Variants in MAD1L1 observed in about 807,000 individuals in gnomAD.
MAD1L1 encodes mitotic arrest deficient 1 like 1, also known as mitotic spindle assembly checkpoint protein MAD1.
In MAD1L1, 95 loss-of-function variants were observed where a neutral mutation model predicts 96.9. The ratio of observed to expected loss-of-function variants is 0.98; its 90% CI spans 0.83 to 1.16. MAD1L1 has a LOEUF of 1.16. MAD1L1 is among the 50% of genes most tolerant of loss of function. The pLI is 0.00. For missense variants in MAD1L1, 1,007 were observed against 954.4 expected (o/e 1.06, Z -0.73); for synonymous variants, 473 against 396.6 (o/e 1.19, Z -2.29).
At chr7:1,841,937 G>A (rs1371338485) in intron 18 of MAD1L1, among the ~76,000 whole-genome samples, 20 of 152,138 alleles carry the variant, frequency 1.3e-4, no homozygotes, top group African/African-American at 3.9e-4. Flanking sequence ...CAATCACGCC[G>A]TCACCACCCC....
intron 12 of MAD1L1, among the ~76,000 whole-genome samples, chr7:2,058,704 CAGGGG>C (rs1403695887): frequency 2.6e-5 from 3 of 116,998 alleles, no homozygotes; most frequent in Non-Finnish European, 3.5e-5. Context: ...GGAGTGTGGC[CAGGGG>C]AGAGGAGAGG....
intron 11 of MAD1L1, among the ~76,000 whole-genome samples, chr7:2,074,042 T>A (rs2128533077): frequency 6.6e-6 from 1 of 152,144 alleles, no homozygotes; most frequent in South Asian, 2.1e-4. Context: ...TGTGGAATGC[T>A]CGCCAAGAAC....
chr7:1,908,184 C>G (rs1787792977), intron 17 of MAD1L1, among the ~76,000 whole-genome samples: 1 of 152,236 alleles, frequency 6.6e-6, no homozygotes, highest in South Asian at 2.1e-4. Context: ...GCAGCTGGAA[C>G]TGGGGACCAC....
rs556279078 is a variant in MAD1L1, at chr7:1,908,058, A to G, written c.1808-9668T>C. Among the ~76,000 whole-genome samples the G allele has an allele frequency of 1.5e-4, 23 of 152,356 alleles. No homozygotes were observed. In the South Asian group the frequency reaches 4.1e-3, roughly 27 times the overall value. On this transcript the variant is annotated intron_variant, in intron 17 of 18. Coordinates refer to ENST00000265854, the MANE Select transcript of MAD1L1 (RefSeq NM_001013836.2). Reference sequence around the variant, plus strand: ...TCTTAGCAGACATGGGTGACCAGACAGTACGTTTGCCCACACACGGTCCCA... The same window carrying G: ...TCTTAGCAGACATGGGTGACCAGACGGTACGTTTGCCCACACACGGTCCCA...
chr7:1,974,001 G>A (rs1780520440), intron 15 of MAD1L1, among the ~76,000 whole-genome samples: 1 of 152,340 alleles, frequency 6.6e-6, no homozygotes, highest in South Asian at 2.1e-4. Context: ...AGGGCACTCT[G>A]CTGGCTTCTG....
intron 15 of MAD1L1, among the ~76,000 whole-genome samples, chr7:1,976,044 C>T (rs1210169588): frequency 6.6e-6 from 1 of 152,204 alleles, no homozygotes; most frequent in South Asian, 2.1e-4. Context: ...AAATCCCCAC[C>T]GACGCTCTCT....
At chr7:2,093,487 G>A (rs1269846338) in intron 11 of MAD1L1, among the ~76,000 whole-genome samples, 2 of 152,196 alleles carry the variant, frequency 1.3e-5, no homozygotes, top group East Asian at 1.9e-4. Context: ...GAAGAGGGAC[G>A]ACGGGAAACC....
chr7:2,084,090 C>A (rs748322111), intron 11 of MAD1L1, among the ~76,000 whole-genome samples: 2 of 152,262 alleles, frequency 1.3e-5, no homozygotes, highest in Non-Finnish European at 2.9e-5. Context: ...GCGGCTTCCT[C>A]TGGACACCCG....
chr7:1,849,147 T>G (rs913580703), intron 18 of MAD1L1: 6 of 88,822 alleles, frequency 6.8e-5, no homozygotes, highest in African/African-American at 2.6e-4. Flanking sequence ...CGTACACACA[T>G]GCACACACAC....
At chr7:1,852,528 T>A (rs1384852762) in intron 18 of MAD1L1, among the ~76,000 whole-genome samples, 2 of 152,188 alleles carry the variant, frequency 1.3e-5, no homozygotes, top group African/African-American at 4.8e-5. Flanking sequence ...GCTTCCACCC[T>A]GGCCCGACCG....
At chr7:1,892,091 C>T (rs967882906) in intron 18 of MAD1L1, among the ~76,000 whole-genome samples, 2 of 152,220 alleles carry the variant, frequency 1.3e-5, no homozygotes, top group African/African-American at 4.8e-5. Context: ...TTCCACCCTT[C>T]ATACATCATG....
chr7:2,167,449 T>C, intron 10 of MAD1L1, among the ~76,000 whole-genome samples: 1 of 152,000 alleles, frequency 6.6e-6, no homozygotes, highest in Non-Finnish European at 1.5e-5. Flanking sequence ...CTCGGGAGGC[T>C]GAGGCAGGAG....
At chr7:2,003,676 C>T (rs1006599870) in intron 13 of MAD1L1, among the ~76,000 whole-genome samples, 63 of 152,278 alleles carry the variant, frequency 4.1e-4, no homozygotes, top group African/African-American at 1.5e-3. Context: ...CCCTGTGCAA[C>T]GCCTGTGGAT....
intron 10 of MAD1L1, among the ~76,000 whole-genome samples, chr7:2,166,056 C>T (rs572838562): frequency 1.3e-5 from 2 of 152,320 alleles, no homozygotes; most frequent in East Asian, 3.9e-4. Flanking sequence ...TAAAACCACA[C>T]GTTCTCCCAT....
At chr7:1,818,763 C>T (rs1482631504) in intron 18 of MAD1L1, among the ~76,000 whole-genome samples, 7 of 151,802 alleles carry the variant, frequency 4.6e-5, no homozygotes, top group Admixed American at 6.6e-5. Flanking sequence ...AATGGTAGGC[C>T]GGGCAACCCA....
At chr7:1,908,515 G>A (rs540741477) in intron 17 of MAD1L1, among the ~76,000 whole-genome samples, 5 of 152,270 alleles carry the variant, frequency 3.3e-5, no homozygotes, top group South Asian at 2.1e-4. Flanking sequence ...CCAAGTAGCT[G>A]GGACCACAGG....
At chr7:1,874,270 C>T (rs1785260077) in intron 18 of MAD1L1, among the ~76,000 whole-genome samples, 1 of 152,184 alleles carries the variant, frequency 6.6e-6, no homozygotes. Flanking sequence ...GTGACACACA[C>T]TGGCAGACAA....
chr7:2,168,051 G>A lies in MAD1L1; in HGVS notation c.987-18813C>T, dbSNP rs530412648. Among the ~76,000 whole-genome samples, 28 of 152,298 alleles carry A rather than the reference G, an allele frequency of 1.8e-4. 1 individual carries two copies. The South Asian group carries it at 4.1e-3, about 23-fold the overall frequency. ...TGTAATCCCAGCACTTTGGGAGGCC[G>A]AGGCGGGTGGATCACTTGAGGTCAG... On this transcript the variant is annotated intron_variant, in intron 10 of 18. Transcript: ENST00000265854.
At chr7:1,949,403 T>G (rs956302959) in intron 16 of MAD1L1, among the ~76,000 whole-genome samples, 1 of 152,248 alleles carries the variant, frequency 6.6e-6, no homozygotes, top group African/African-American at 2.4e-5. Flanking sequence ...CGCCCGGCTC[T>G]GAGTCCCTCT....
Sources: gnomAD v4.1 joint callset for allele counts (sites outside exome capture counted in the v4.1 genomes callset) on GRCh38, gnomAD v4.1.1 for gene constraint, MANE v1.5 for transcripts, NCBI Gene and HGNC (gene_info 2026-07-23, HGNC 2026-07-21) for gene names.